Variants in SH2D4A observed in about 807,000 individuals in gnomAD.
The protein encoded by SH2D4A is SH2 domain-containing protein 4A.
A neutral mutation model predicts 64.7 loss-of-function variants in SH2D4A; 70 were observed. The ratio of observed to expected loss-of-function variants is 1.08; its 90% CI spans 0.89 to 1.32. The LOEUF is 1.32. Among genes scored for constraint, SH2D4A ranks in the 40% most tolerant of loss-of-function variants. SH2D4A has a pLI of 0.00. For missense variants in SH2D4A, 706 were observed against 540.1 expected, an observed-to-expected ratio of 1.31 and a Z score of -3.04; for synonymous variants, 268 against 200.7, an observed-to-expected ratio of 1.34 and a Z score of -2.83.
chr8:19,332,716 A>T (rs1471076079), intron 2 of SH2D4A, among the ~76,000 whole-genome samples: 1 of 148,542 alleles, frequency 6.7e-6, no homozygotes, highest in Non-Finnish European at 1.5e-5. Context: ...AAAAAAAAGC[A>T]CGGGCAAAAA....
intron 6 of SH2D4A, 105 bp from the exon 7 acceptor site, chr8:19,363,967 A>G: frequency 9.7e-7 from 1 of 1,030,294 alleles, no homozygotes. Context: ...GCAGACAACA[A>G]ACTGCTGAGA....
chr8:19,371,787 C>T (rs1457794659), intron 7 of SH2D4A, among the ~76,000 whole-genome samples: 3 of 152,090 alleles, frequency 2.0e-5, no homozygotes, highest in Non-Finnish European at 1.5e-5. Context: ...TTTCAAATAG[C>T]CTGTCTTCTG....
chr8:19,383,318 G>C (rs1052125791), intron 8 of SH2D4A, among the ~76,000 whole-genome samples: 2 of 150,530 alleles, frequency 1.3e-5, no homozygotes, highest in Non-Finnish European at 3.0e-5. Flanking sequence ...TCTTCTCCCT[G>C]CTTAAATCTG....
chr8:19,379,045 C>T (rs2053245141), intron 8 of SH2D4A, among the ~76,000 whole-genome samples: 1 of 149,166 alleles, frequency 6.7e-6, no homozygotes, highest in Non-Finnish European at 1.5e-5. Context: ...TCACGCCATG[C>T]ACTCCAGCTT....
chr8:19,393,118 C>A (rs1197730589), intron 8 of SH2D4A, among the ~76,000 whole-genome samples, 200 bp from the exon 9 acceptor site: 1 of 152,080 alleles, frequency 6.6e-6, no homozygotes, highest in Non-Finnish European at 1.5e-5. Context: ...TACAGTTTGC[C>A]TCTATAACCT....
At chr8:19,372,958 G>T (rs558884306) in intron 7 of SH2D4A, among the ~76,000 whole-genome samples, 1 of 151,852 alleles carries the variant, frequency 6.6e-6, no homozygotes, top group Non-Finnish European at 1.5e-5. Flanking sequence ...CATTAGGAAA[G>T]AAATCTATCT....
At chr8:19,340,218 G>C (rs1027154045) in intron 4 of SH2D4A, among the ~76,000 whole-genome samples, 1 of 152,176 alleles carries the variant, frequency 6.6e-6, no homozygotes, top group African/African-American at 2.4e-5. Context: ...TGCAGAAGCA[G>C]GGAAAGCATT....
chr8:19,364,129 AAGAC>A lies in SH2D4A; in HGVS notation c.765_768del (p.Glu255AspfsTer40). 6.2e-7 allele frequency: 1 copy of A among 1,614,134 alleles called. No individual in the cohort carries two copies. ...CGCTCCTTGGCTAAACAAGCACGAG[AAGAC>A]TACAAGAGGTTATCCCTCGGGGCCC... On this transcript the variant is annotated frameshift_variant, in exon 7 of 10. Transcript: ENST00000265807. LOFTEE classifies it high-confidence loss of function.
At chr8:19,372,986 A>G (rs999154679) in intron 7 of SH2D4A, among the ~76,000 whole-genome samples, 2 of 152,096 alleles carry the variant, frequency 1.3e-5, no homozygotes, top group African/African-American at 4.8e-5. Flanking sequence ...TTTGATTTCT[A>G]TTGTTTGCAA....
chr8:19,352,107 G>T (rs1402857748), intron 4 of SH2D4A, among the ~76,000 whole-genome samples: 1 of 152,170 alleles, frequency 6.6e-6, no homozygotes, highest in African/African-American at 2.4e-5. Flanking sequence ...TAAACAAAGG[G>T]AATATTAAGT....
At chr8:19,364,692 A>G (rs2052960219) in intron 7 of SH2D4A, among the ~76,000 whole-genome samples, 1 of 152,144 alleles carries the variant, frequency 6.6e-6, no homozygotes, top group South Asian at 2.1e-4. Context: ...TTATCAAAGT[A>G]GGAACCCAAA....
intron 1 of SH2D4A, among the ~76,000 whole-genome samples, chr8:19,318,248 G>T (rs942164902): frequency 6.6e-6 from 1 of 152,094 alleles, no homozygotes; most frequent in Non-Finnish European, 1.5e-5. Context: ...AAAAGTTGTA[G>T]TAAGTTTTTT....
chr8:19,381,930 C>T (rs1039672964), intron 8 of SH2D4A, among the ~76,000 whole-genome samples: 20 of 151,796 alleles, frequency 1.3e-4, no homozygotes, highest in African/African-American at 2.9e-4. Flanking sequence ...CCTGTTAATA[C>T]GGTGTGTTAC....
intron 4 of SH2D4A, among the ~76,000 whole-genome samples, chr8:19,355,383 C>T (rs2052776487): frequency 1.3e-5 from 2 of 151,758 alleles, no homozygotes; most frequent in Admixed American, 6.6e-5. Flanking sequence ...CACTCTGTTC[C>T]CAAATAGAGG....
chr8:19,381,912 TC>T (rs893938065), intron 8 of SH2D4A, among the ~76,000 whole-genome samples: 2 of 152,164 alleles, frequency 1.3e-5, no homozygotes, highest in East Asian at 1.9e-4. Flanking sequence ...TATTTTTTTT[TC>T]ATTTATCCTG....
At chr8:19,337,496 C>G (rs546914248) in intron 4 of SH2D4A, among the ~76,000 whole-genome samples, 1 of 152,078 alleles carries the variant, frequency 6.6e-6, no homozygotes, top group Admixed American at 6.6e-5. Context: ...AGGGTGGATC[C>G]TAAATCCCAA....
intron 2 of SH2D4A, among the ~76,000 whole-genome samples, chr8:19,322,859 G>C (rs1415365714): frequency 6.6e-6 from 1 of 151,902 alleles, no homozygotes; most frequent in African/African-American, 2.4e-5. Context: ...ATTTTCAGTA[G>C]AGACAGGGTT....
chr8:19,326,648 G>GTGTGTGTA (rs150724704), intron 2 of SH2D4A, among the ~76,000 whole-genome samples: 45,725 of 151,480 alleles, frequency 0.3, 9,921 homozygotes, highest in African/African-American at 0.62. Flanking sequence ...CCCACATCGT[G>GTGTGTGTA]TGTGTGTATG....
chr8:19,372,874 C>T (rs992318775), intron 7 of SH2D4A, among the ~76,000 whole-genome samples: 16 of 149,966 alleles, frequency 1.1e-4, no homozygotes, highest in African/African-American at 3.2e-4. Flanking sequence ...AACTAAATGT[C>T]ATCAAAGTGT....
Sources: allele counts gnomAD v4.1 joint callset (sites outside exome capture counted in the v4.1 genomes callset), GRCh38; gene constraint gnomAD v4.1.1; transcripts MANE v1.5; gene names NCBI Gene and HGNC (gene_info 2026-07-23, HGNC 2026-07-21).